PDE1A: variants seen among roughly 807,000 people sequenced by gnomAD.
PDE1A encodes dual specificity calcium/calmodulin-dependent 3',5'-cyclic nucleotide phosphodiesterase 1A.
PDE1A carries 35 observed loss-of-function variants against 61.7 expected under a neutral mutation model. The ratio of observed to expected loss-of-function variants is 0.57; its 90% CI spans 0.43 to 0.75. The LOEUF is 0.75. Ranked by LOEUF, PDE1A falls within the 30% of genes least tolerant of loss-of-function variation. The probability of loss-of-function intolerance (pLI) is 0.00; values close to 1 mark genes in which losing one functional copy is unlikely to be tolerated. For synonymous variants in PDE1A, 232 were observed against 213.2 expected (o/e 1.09, Z -0.77); for missense variants, 597 against 630.6 (o/e 0.95, Z 0.57).
intron 1 of PDE1A, among the ~76,000 whole-genome samples, chr2:182,292,251 G>C (rs1246704174): frequency 6.6e-6 from 1 of 151,932 alleles, no homozygotes; most frequent in Non-Finnish European, 1.5e-5. Context: ...ATATTTTGGA[G>C]AAATTTATTT....
chr2:182,505,001 A>C (rs1463878691), intron 2 of PDE1A, among the ~76,000 whole-genome samples: 1 of 152,240 alleles, frequency 6.6e-6, no homozygotes, highest in Non-Finnish European at 1.5e-5. Context: ...AGCCAATTCT[A>C]AAGTATTTAG....
At chr2:182,520,710 T>C (rs1690511122) in intron 2 of PDE1A, among the ~76,000 whole-genome samples, 1 of 151,844 alleles carries the variant, frequency 6.6e-6, no homozygotes. Flanking sequence ...ACTAGAAAAA[T>C]GCAAACAAAA....
At chr2:182,146,730 C>T (rs997190294), downstream of PDE1A, among the ~76,000 whole-genome samples, 2 of 152,056 alleles carry the variant, frequency 1.3e-5, no homozygotes, top group East Asian at 1.9e-4. Flanking sequence ...GTGATTTGCC[C>T]GCCTTGGCCT....
At chr2:182,197,562 T>C (rs1454326884) in intron 10 of PDE1A, among the ~76,000 whole-genome samples, 2 of 151,848 alleles carry the variant, frequency 1.3e-5, no homozygotes, top group Non-Finnish European at 3.0e-5. Context: ...TAATTTTGAA[T>C]TAGTTTTTGT....
At chr2:182,404,043 CA>C (rs1424408055) in intron 1 of PDE1A, among the ~76,000 whole-genome samples, 3 of 70,466 alleles carry the variant, frequency 4.3e-5, no homozygotes, top group Non-Finnish European at 8.1e-5. Context: ...TCAATAGGAA[CA>C]AATTTTTTTT....
intron 13 of PDE1A, among the ~76,000 whole-genome samples, chr2:182,152,619 C>A (rs1029456009): frequency 1.3e-5 from 2 of 151,936 alleles, no homozygotes; most frequent in Non-Finnish European, 2.9e-5. Context: ...CGGGGTTTCG[C>A]CATGTTGGCC....
the PDE1A span, among the ~76,000 whole-genome samples, chr2:182,695,785 T>C: frequency 3.3e-5 from 5 of 150,766 alleles, no homozygotes; most frequent in Non-Finnish European, 7.4e-5. Flanking sequence ...TACCAAAATA[T>C]ACAATTAAGA....
chr2:182,370,547 G>C (rs921054353), intron 1 of PDE1A, among the ~76,000 whole-genome samples: 15 of 152,206 alleles, frequency 9.9e-5, no homozygotes, highest in African/African-American at 3.4e-4. Context: ...CAGCTCAGAG[G>C]GGGCAGATGA....
exon 2 of PDE1A, chr2:182,264,358 T>C (rs372375465): frequency 2.5e-6 from 4 of 1,613,764 alleles, no homozygotes; most frequent in East Asian, 2.2e-5. Flanking sequence ...AATATTCTTC[T>C]TTAAGTCGAC....
At chr2:182,592,218 A>C in the PDE1A span, among the ~76,000 whole-genome samples, 1 of 152,252 alleles carries the variant, frequency 6.6e-6, no homozygotes, top group Non-Finnish European at 1.5e-5. Flanking sequence ...AATAATGCCA[A>C]TAACTTAAAC....
intron 1 of PDE1A, among the ~76,000 whole-genome samples, chr2:182,287,325 C>T (rs1230978275): frequency 1.3e-5 from 2 of 152,064 alleles, no homozygotes; most frequent in Non-Finnish European, 2.9e-5. Flanking sequence ...TCTACCACAT[C>T]GATGTATTTT....
chr2:182,682,994 G>A, the PDE1A span, among the ~76,000 whole-genome samples: 1 of 152,088 alleles, frequency 6.6e-6, no homozygotes, highest in South Asian at 2.1e-4. Flanking sequence ...ACATAAAATT[G>A]TGCATAAGAA....
intron 2 of PDE1A, among the ~76,000 whole-genome samples, chr2:182,246,401 C>CTTTTTTTTTTTTTTTTTTTTT (rs761118177): frequency 1.5e-4 from 9 of 61,488 alleles, no homozygotes; most frequent in Non-Finnish European, 2.0e-4. Context: ...TTTCTTTTTT[C>CTTTTTTTTTTTTTTTTTTTTT]TTTCTTTTTT....
the PDE1A span, among the ~76,000 whole-genome samples, chr2:182,671,626 T>TC: frequency 7.3e-4 from 107 of 146,590 alleles, no homozygotes; most frequent in African/African-American, 2.5e-3. Flanking sequence ...TTTTTCTTTT[T>TC]TTTTTTTTTT....
chr2:182,531,648 TC>T, the PDE1A span, among the ~76,000 whole-genome samples: 1 of 152,230 alleles, frequency 6.6e-6, no homozygotes, highest in Admixed American at 6.5e-5. Context: ...TCACGTATTT[TC>T]TTCTATAAGG....
At chr2:182,679,188 A>T in the PDE1A span, among the ~76,000 whole-genome samples, 4,148 of 141,482 alleles carry the variant, frequency 0.029, 80 homozygotes, top group East Asian at 0.062. Flanking sequence ...TATTATTATT[A>T]TTATTTTTTT....
chr2:182,150,881 A>G (rs779689653), intron 13 of PDE1A, among the ~76,000 whole-genome samples: 1 of 152,186 alleles, frequency 6.6e-6, no homozygotes, highest in Non-Finnish European at 1.5e-5. Context: ...AGGGAATTAC[A>G]CCAAACACAC....
At chr2:182,145,137 T>C (rs1574486891), downstream of PDE1A, among the ~76,000 whole-genome samples, 1 of 152,202 alleles carries the variant, frequency 6.6e-6, no homozygotes, top group Non-Finnish European at 1.5e-5. Context: ...GTAAAGATAT[T>C]CCAACAATTA....
chr2:182,350,231 CTTG>C (rs1041745320), intron 1 of PDE1A, among the ~76,000 whole-genome samples: 3 of 152,102 alleles, frequency 2.0e-5, no homozygotes, highest in African/African-American at 7.2e-5. Flanking sequence ...ATTAATGTAT[CTTG>C]TTGTTTGTGG....
Sources: gnomAD v4.1 joint callset for allele counts (sites outside exome capture counted in the v4.1 genomes callset) on GRCh38, gnomAD v4.1.1 for gene constraint, MANE v1.5 for transcripts, NCBI Gene and HGNC (gene_info 2026-07-23, HGNC 2026-07-21) for gene names.